CIITA: variants seen among roughly 807,000 people sequenced by gnomAD.
The protein encoded by CIITA is MHC class II transactivator.
CIITA carries 72 observed loss-of-function variants against 115.1 expected under a neutral mutation model. The ratio of observed to expected loss-of-function variants is 0.63; its 90% CI spans 0.52 to 0.76. CIITA has a LOEUF of 0.76. CIITA is among the 30% of genes least tolerant of loss of function. The pLI, the probability that CIITA is intolerant of heterozygous loss-of-function variation, is 0.00. For missense variants in CIITA, 1,617 were observed against 1,463.8 expected (o/e 1.10, Z -1.71); for synonymous variants, 763 against 635.6 (o/e 1.20, Z -3.02).
chr16:10,917,996 C>A (rs1478272824), intron 15 of CIITA, among the ~76,000 whole-genome samples: 1 of 152,156 alleles, frequency 6.6e-6, no homozygotes, highest in African/African-American at 2.4e-5. Context: ...CTTTCTTACC[C>A]GCCACCCCAC....
intron 1 of CIITA, among the ~76,000 whole-genome samples, chr16:10,880,364 T>C (rs118006294): frequency 0.025 from 3,760 of 152,304 alleles, 69 homozygotes; most frequent in Non-Finnish European, 0.039. Context: ...CAATGTTCGT[T>C]TGTGGGGCAA....
At chr16:10,873,728 A>G (rs1596398803), upstream of CIITA, among the ~76,000 whole-genome samples, 1 of 152,164 alleles carries the variant, frequency 6.6e-6, no homozygotes, top group African/African-American at 2.4e-5. Flanking sequence ...GGGACTTGCC[A>G]GGGGACCCCA....
In CIITA at chr16:10,901,225, G is replaced by A. The variant is rs1481295459; in HGVS notation, c.437-289G>A. Reference sequence around the variant, plus strand: ...CACACAGCTAGGAAGCGGTTCAAAAGCAGGTTCCTTTGTTTTGTTTTGTTT... The same window carrying A: ...CACACAGCTAGGAAGCGGTTCAAAAACAGGTTCCTTTGTTTTGTTTTGTTT... On this transcript the variant is annotated intron_variant, in intron 5 of 19. Coordinates refer to ENST00000324288, the MANE Select transcript of CIITA (RefSeq NM_000246.4). This position sits in a 1 kb window ranked among gnomAD's most constrained non-coding sequence, Gnocchi z 6.8. Among the ~76,000 whole-genome samples the A allele has an allele frequency of 6.6e-6, 1 of 152,198 alleles. No individual in the cohort carries two copies. The highest frequency in any genetic ancestry group is 1.5e-5 in the Non-Finnish European group (1 of 68,022).
rs1379755674 is a variant in CIITA at position 10,930,538 on chromosome 16, A to C, written c.*6683A>C. On this transcript the variant is annotated 3_prime_UTR_variant, in exon 20 of 20. Transcript: ENST00000324288. The stretch of plus-strand genomic sequence containing the variant: ...TATAGGATAAGAAACTGAGGTTCTT[A>C]TCATTTAATAGGATAAGAAATTGAG... The C allele has an allele frequency of 1.3e-5, 2 of 152,236 alleles. No individual in the cohort carries two copies. Among genetic ancestry groups the C allele is most frequent in the Non-Finnish European group, 2.9e-5 (2 of 68,042 alleles). 9.4% of individuals were successfully genotyped at this position (152,236 alleles called of 1,614,324 possible).
At chr16:10,866,799 C>T (rs2035098726) in intron 1 of CIITA, among the ~76,000 whole-genome samples, 1 of 152,188 alleles carries the variant, frequency 6.6e-6, no homozygotes, top group Admixed American at 6.5e-5. Context: ...ATCCCAGGGG[C>T]ACGCAGCCAA....
At chr16:10,897,923 A>G (rs977003862) in intron 3 of CIITA, among the ~76,000 whole-genome samples, 1 of 152,170 alleles carries the variant, frequency 6.6e-6, no homozygotes, top group Non-Finnish European at 1.5e-5. Flanking sequence ...TTTCCCCAGC[A>G]TGAAACTTCT....
At chr16:10,866,529 GC>G in intron 1 of CIITA, 3 of 551,494 alleles carry the variant, frequency 5.4e-6, no homozygotes, top group Admixed American at 2.0e-5. Context: ...GTGGGCTGCA[GC>G]CCCCAGCAGC....
intron 1 of CIITA, among the ~76,000 whole-genome samples, chr16:10,889,557 T>C (rs1023432862): frequency 1.3e-5 from 2 of 152,092 alleles, no homozygotes; most frequent in African/African-American, 4.8e-5. Context: ...TCTCACTTTG[T>C]CGCCCAGGCT....
chr16:10,890,063 C>T (rs1053620429), intron 1 of CIITA, among the ~76,000 whole-genome samples: 2 of 152,138 alleles, frequency 1.3e-5, no homozygotes, highest in Non-Finnish European at 2.9e-5. Flanking sequence ...TCCTTGATCA[C>T]CCAAGAGGAA....
At chr16:10,894,989 T>G (rs1427007845) in intron 1 of CIITA, among the ~76,000 whole-genome samples, 4 of 152,228 alleles carry the variant, frequency 2.6e-5, no homozygotes, top group African/African-American at 9.6e-5. Context: ...ACTCATGGCA[T>G]TGCCAAATGT....
In CIITA at chr16:10,933,231, A is replaced by G. The variant is rs2040874835; in HGVS notation, c.*9376A>G. 6.6e-6 allele frequency: 1 copy of G among 152,318 alleles called. No homozygotes were observed. The highest frequency in any genetic ancestry group is 1.5e-5 in the Non-Finnish European group (1 of 68,110). 9.4% of individuals were successfully genotyped at this position (152,318 alleles called of 1,614,324 possible). ...GGCTGGCTGGCTGGTTTCTGTAGTCAGAATGACAGTTGGGTGCTAGATCCC... is the reference window on the plus strand; with the variant it reads ...GGCTGGCTGGCTGGTTTCTGTAGTCGGAATGACAGTTGGGTGCTAGATCCC... On this transcript the variant is annotated 3_prime_UTR_variant, in exon 20 of 20. Coordinates refer to ENST00000324288, the MANE Select transcript of CIITA (RefSeq NM_000246.4).
At position 10,907,628 on chromosome 16, in the gene CIITA, C is replaced by A. The variant is rs550068548; in HGVS notation, c.2136C>A (p.Leu712=). Residue 712 remains leucine, a synonymous_variant, in exon 11 of 20, where the codon CTC becomes CTA. Coordinates refer to ENST00000324288, the MANE Select transcript of CIITA (RefSeq NM_000246.4). The surrounding 1 kb of genome is among the most constrained non-coding windows in gnomAD (Gnocchi z 5.0). The part of the protein sequence containing the change: ...AESELAFPSF[L]LQCFLGALWL... ...CCGAGCTGGCCTTCCCCAGCTTCCT[C>A]CTGCAATGCTTCCTGGGGGCCCTGT... 2 of 1,614,252 alleles carry A rather than the reference C, an allele frequency of 1.2e-6. No homozygotes were observed. The highest frequency in any genetic ancestry group is 2.2e-5 in the East Asian group (1 of 44,888).
intron 15 of CIITA, among the ~76,000 whole-genome samples, chr16:10,918,166 T>C (rs2040061254): frequency 6.6e-6 from 1 of 152,156 alleles, no homozygotes; most frequent in Non-Finnish European, 1.5e-5. Context: ...CTTATTTCAT[T>C]ATAGTGCTGA....
At chr16:10,892,489 C>T (rs2037698818) in intron 1 of CIITA, among the ~76,000 whole-genome samples, 1 of 152,196 alleles carries the variant, frequency 6.6e-6, no homozygotes, top group South Asian at 2.1e-4. Context: ...CTCTTACCTC[C>T]TCCAGGAAGC....
At chr16:10,918,637 A>G in intron 16 of CIITA, 111 bp downstream of exon 16, 1 of 842,948 alleles carries the variant, frequency 1.2e-6, no homozygotes. Context: ...AGCAATCACC[A>G]CAGCCCTGAA....
rs1356603963 is a variant in CIITA at position 10,941,805 on chromosome 16, G to T, written n.931G>T. On this transcript the variant is annotated non_coding_transcript_exon_variant, in exon 2 of 2. Transcript: ENST00000573379. The surrounding 1 kb of genome is among the most constrained non-coding windows in gnomAD (Gnocchi z 6.4). ...GGTCGGAGAGCACGCCGAGGTCCAC[G>T]AGCGCCTGGTCCATGTCCTCGGGCA... The T allele has an allele frequency of 6.2e-7, 1 of 1,613,616 alleles. No individual in the cohort carries two copies. The highest frequency in any genetic ancestry group is 8.5e-7 in the Non-Finnish European group (1 of 1,179,856).
chr16:10,914,968 G>T, intron 13 of CIITA: 1 of 432,222 alleles, frequency 2.3e-6, no homozygotes, highest in Non-Finnish European at 4.6e-6. Context: ...ATGTTGGGAA[G>T]AGTAAGAACT....
Position 10,935,950 on chromosome 16 carries a change from C to G in CIITA, c.*12095C>G, listed in dbSNP as rs2041005910. On this transcript the variant is annotated 3_prime_UTR_variant, in exon 20 of 20. Coordinates refer to ENST00000324288, the MANE Select transcript of CIITA (RefSeq NM_000246.4). ...TCTGGGATTGCATCTTGGACCTCAA[C>G]TCTCCCCTTTTTATTGTTAAGGGAC... 6.6e-6 allele frequency: 1 copy of G among 151,780 alleles called. No individual in the cohort carries two copies. Among genetic ancestry groups the G allele is most frequent in the African/African-American group, 2.4e-5 (1 of 41,296 alleles). The allele number at this position is 151,780 out of a possible 1,614,324, so 9.4% of individuals were successfully genotyped here. A position where few individuals can be genotyped will look rare whatever the true frequency, so the allele number is the denominator to read the frequency against.
At position 10,926,310 on chromosome 16, in the gene CIITA, C is replaced by T. The variant is rs1266529427; in HGVS notation, c.*2455C>T. On this transcript the variant is annotated 3_prime_UTR_variant, in exon 20 of 20. Coordinates refer to ENST00000324288, the MANE Select transcript of CIITA (RefSeq NM_000246.4). Reference sequence around the variant, plus strand: ...ATCCAGGTTCAGCTTGTAAATAGCTCAGGTGTCACCCTGCAAGGGATCCCT... The same window carrying T: ...ATCCAGGTTCAGCTTGTAAATAGCTTAGGTGTCACCCTGCAAGGGATCCCT... 1 of 152,292 alleles carries T rather than the reference C, an allele frequency of 6.6e-6. No homozygotes were observed. The highest frequency in any genetic ancestry group is 1.9e-4 in the East Asian group (1 of 5,200). The allele number at this position is 152,292 out of a possible 1,614,324, so 9.4% of individuals were successfully genotyped here.
Sources: gnomAD v4.1 joint callset for allele counts (sites outside exome capture counted in the v4.1 genomes callset) on GRCh38, gnomAD v4.1.1 for gene constraint, Gnocchi (gnomAD v3.1) non-coding constraint, MANE v1.5 for transcripts, NCBI Gene and HGNC (gene_info 2026-07-23, HGNC 2026-07-21) for gene names.